The following CCDC112 variants were observed in gnomAD, a reference collection of about 807,000 sequenced individuals.
The protein encoded by CCDC112 is coiled-coil domain-containing protein 112.
Under a neutral mutation model 66.3 loss-of-function variants are expected in CCDC112, and 40 were observed. The observed-to-expected ratio is 0.60, with a 90% CI of 0.47 to 0.79. The LOEUF (loss-of-function observed/expected upper bound fraction) is 0.79. Ranked by LOEUF, CCDC112 falls within the 30% of genes least tolerant of loss-of-function variation. CCDC112 has a pLI of 0.00. For missense variants in CCDC112, 659 were observed against 603.8 expected (o/e 1.09, Z -0.96); for synonymous variants, 214 against 197.2 (o/e 1.09, Z -0.71).
chr5:115,295,726 G>A (rs968592257), intron 1 of CCDC112, among the ~76,000 whole-genome samples: 7 of 152,152 alleles, frequency 4.6e-5, no homozygotes, highest in Admixed American at 2.0e-4. Flanking sequence ...GGGTGCGAGG[G>A]AGGGTGAGGG....
At chr5:115,293,729 C>G (rs569554608) in intron 1 of CCDC112, among the ~76,000 whole-genome samples, 1 of 152,308 alleles carries the variant, frequency 6.6e-6, no homozygotes, top group African/African-American at 2.4e-5. Context: ...ATCTTAATCA[C>G]ACCTGCAAAG....
intron 1 of CCDC112, among the ~76,000 whole-genome samples, chr5:115,294,558 T>C (rs1750068249): frequency 6.6e-6 from 1 of 152,216 alleles, no homozygotes; most frequent in Non-Finnish European, 1.5e-5. Context: ...AGCCACCAAG[T>C]CTGTAGCATT....
intron 2 of CCDC112, among the ~76,000 whole-genome samples, chr5:115,282,570 A>C (rs925960440): frequency 6.6e-6 from 1 of 152,168 alleles, no homozygotes; most frequent in Non-Finnish European, 1.5e-5. Flanking sequence ...TTGTTATCTA[A>C]GACATACACT....
intron 9 of CCDC112, 126 bp from the exon 10 acceptor site, chr5:115,268,044 A>G (rs906439880): frequency 5.6e-5 from 40 of 708,678 alleles, no homozygotes; most frequent in African/African-American, 9.0e-5. Context: ...TGGCTGGTTC[A>G]TATGGGCATG....
chr5:115,284,863 G>C lies in CCDC112; in HGVS notation c.163C>G (p.Leu55Val), dbSNP rs1330150484. Reference sequence around the variant, plus strand: ...TTAACTTTCTGCTTCCAGTTCTGAAGATGAAAAGGACGAATTCCACCTGAA... The same window carrying C: ...TTAACTTTCTGCTTCCAGTTCTGAACATGAAAAGGACGAATTCCACCTGAA... Reference protein sequence around the residue: ...STSGGIRPFHLQNWKQKVNQT... With the variant: ...STSGGIRPFHVQNWKQKVNQT... Residue 55 changes from leucine (L) to valine (V), a missense_variant, in exon 2 of 10, where the codon CTT (leucine) becomes GTT (valine). Coordinates refer to ENST00000379611, the MANE Select transcript of CCDC112 (RefSeq NM_001040440.3). The C allele has an allele frequency of 1.2e-6, 2 of 1,612,642 alleles. No homozygotes were observed. The highest frequency in any genetic ancestry group is 1.7e-6 in the Non-Finnish European group (2 of 1,178,978).
chr5:115,295,398 A>T (rs978570094), intron 1 of CCDC112, among the ~76,000 whole-genome samples: 2 of 152,164 alleles, frequency 1.3e-5, no homozygotes, highest in Non-Finnish European at 2.9e-5. Context: ...TATATTTTAC[A>T]TTTTTTCCTG....
At chr5:115,290,554 T>G (rs1749878179) in intron 1 of CCDC112, among the ~76,000 whole-genome samples, 1 of 152,228 alleles carries the variant, frequency 6.6e-6, no homozygotes, top group Non-Finnish European at 1.5e-5. Context: ...GAGATTGCAC[T>G]GAATCTGTAA....
intron 9 of CCDC112, among the ~76,000 whole-genome samples, chr5:115,268,136 C>T (rs1466825021): frequency 6.6e-6 from 1 of 152,100 alleles, no homozygotes; most frequent in Non-Finnish European, 1.5e-5. Context: ...AGTTAATCTA[C>T]TTATTAATCT....
Position 115,284,893 on chromosome 5 carries a change from T to TA in CCDC112, c.132dup (p.Ser45Ter). ...AAAGGACGAATTCCACCTGAAGTAC[T>TA]AAAACAGCCATCACTCTGCATTGAG... On this transcript the variant is annotated frameshift_variant, in exon 2 of 10. Coordinates refer to ENST00000379611, the MANE Select transcript of CCDC112 (RefSeq NM_001040440.3). LOFTEE classifies it high-confidence loss of function. 6.2e-7 allele frequency: 1 copy of TA among 1,612,680 alleles called. No individual in the cohort carries two copies. Among genetic ancestry groups the TA allele is most frequent in the Non-Finnish European group, 8.5e-7 (1 of 1,179,038 alleles).
At chr5:115,287,471 C>T (rs562238838) in intron 1 of CCDC112, among the ~76,000 whole-genome samples, 1 of 151,996 alleles carries the variant, frequency 6.6e-6, no homozygotes, top group African/African-American at 2.4e-5. Flanking sequence ...AAAGACCAGA[C>T]AAAATAAAAA....
chr5:115,292,883 G>T (rs778280311), intron 1 of CCDC112, among the ~76,000 whole-genome samples: 1 of 152,198 alleles, frequency 6.6e-6, no homozygotes, highest in Non-Finnish European at 1.5e-5. Flanking sequence ...CCCTATCTTA[G>T]TATTTACTTT....
intron 3 of CCDC112, among the ~76,000 whole-genome samples, chr5:115,277,474 A>T (rs1299654066): frequency 6.6e-6 from 1 of 152,228 alleles, no homozygotes; most frequent in Non-Finnish European, 1.5e-5. Flanking sequence ...AAAACTATTT[A>T]GTTAATTCTG....
At chr5:115,296,078 G>T in intron 1 of CCDC112, 1 of 1,025,120 alleles carries the variant, frequency 9.8e-7, no homozygotes, top group East Asian at 8.5e-5. Context: ...TGTGCCAGGG[G>T]CTCCCCAGAC....
chr5:115,288,592 A>C (rs1355657095), intron 1 of CCDC112, among the ~76,000 whole-genome samples: 4 of 152,218 alleles, frequency 2.6e-5, no homozygotes, highest in African/African-American at 9.6e-5. Context: ...AAAAAATAAC[A>C]TGGGAATGGA....
intron 3 of CCDC112, among the ~76,000 whole-genome samples, chr5:115,278,367 G>A (rs921640456): frequency 2.6e-5 from 4 of 151,894 alleles, no homozygotes; most frequent in African/African-American, 9.7e-5. Flanking sequence ...CTGCTCAGCT[G>A]TAATATATGA....
In CCDC112 at chr5:115,286,627, C is replaced by T. The variant is rs192659744; in HGVS notation, c.118-1719G>A. On this transcript the variant is annotated intron_variant, in intron 1 of 9. Coordinates refer to ENST00000379611, the MANE Select transcript of CCDC112 (RefSeq NM_001040440.3). ...TTTCCCATTTTGAAAAATTGGGTGG[C>T]ATAGTGGGGCCTGGTGGCTCATGCC... Among the ~76,000 whole-genome samples, 491 of 151,998 alleles carry T rather than the reference C, an allele frequency of 3.2e-3. 3 individuals are homozygous for T. The highest frequency in any genetic ancestry group is 4.8e-3 in the Non-Finnish European group (324 of 67,982).
At chr5:115,277,092 G>T in intron 3 of CCDC112, 38 bp from the exon 4 acceptor site, 5 of 1,216,294 alleles carry the variant, frequency 4.1e-6, no homozygotes, top group South Asian at 2.5e-5. Flanking sequence ...ATAATTCTGT[G>T]ACAAATGTGG....
intron 3 of CCDC112, among the ~76,000 whole-genome samples, chr5:115,279,336 GA>G (rs1191792075): frequency 6.6e-6 from 1 of 150,562 alleles, no homozygotes; most frequent in African/African-American, 2.4e-5. Context: ...CTGCTTTTAA[GA>G]AATTTTAATA....
At chr5:115,295,338 AT>A in intron 1 of CCDC112, among the ~76,000 whole-genome samples, 1 of 152,268 alleles carries the variant, frequency 6.6e-6, no homozygotes, top group South Asian at 2.1e-4. Flanking sequence ...GGTGTCACAC[AT>A]TTTTTTGAGC....
Sources: gnomAD v4.1 joint callset for allele counts (sites outside exome capture counted in the v4.1 genomes callset) on GRCh38, gnomAD v4.1.1 for gene constraint, MANE v1.5 for transcripts, NCBI Gene and HGNC (gene_info 2026-07-23, HGNC 2026-07-21) for gene names.